DNAJC1: variants seen among roughly 807,000 people sequenced by gnomAD.
The protein encoded by DNAJC1 is DnaJ heat shock protein family (Hsp40) member C1, also known as dnaJ homolog subfamily C member 1.
In DNAJC1, 58 loss-of-function variants were observed where a neutral mutation model predicts 76.6. The observed-to-expected ratio is 0.76, with a 90% CI of 0.61 to 0.94. The LOEUF is 0.94. Ranked by LOEUF, DNAJC1 falls within the 40% of genes least tolerant of loss-of-function variation. The pLI, the probability that DNAJC1 is intolerant of heterozygous loss-of-function variation, is 0.00. For synonymous variants in DNAJC1, 258 were observed against 267.9 expected (o/e 0.96, Z 0.36); for missense variants, 689 against 677.3 (o/e 1.02, Z -0.19).
At chr10:21,912,156 TTC>T (rs1235576961) in intron 6 of DNAJC1, among the ~76,000 whole-genome samples, 1 of 152,126 alleles carries the variant, frequency 6.6e-6, no homozygotes, top group East Asian at 1.9e-4. Flanking sequence ...GCGAAATTTA[TTC>T]TTTTTTAGTT....
chr10:21,975,582 G>A (rs1259247772), intron 1 of DNAJC1, among the ~76,000 whole-genome samples: 2 of 152,090 alleles, frequency 1.3e-5, no homozygotes, highest in Non-Finnish European at 2.9e-5. Context: ...CACTAGAGTG[G>A]CAAATTGAAC....
intron 8 of DNAJC1, among the ~76,000 whole-genome samples, chr10:21,820,026 T>C (rs1835133948): frequency 6.6e-6 from 1 of 152,252 alleles, no homozygotes; most frequent in Non-Finnish European, 1.5e-5. Flanking sequence ...CATAAAGTCA[T>C]GCACAATTTT....
chr10:21,844,648 A>G (rs992664644), intron 8 of DNAJC1, among the ~76,000 whole-genome samples: 5 of 152,176 alleles, frequency 3.3e-5, no homozygotes, highest in African/African-American at 1.2e-4. Flanking sequence ...TAGTTTACTA[A>G]TACATCCACA....
intron 1 of DNAJC1, among the ~76,000 whole-genome samples, chr10:21,998,389 C>CAAAAAAAAAAAAAAAAAAAAA (rs60371730): frequency 1.0e-5 from 1 of 95,852 alleles, no homozygotes. Context: ...GACTCCATCT[C>CAAAAAAAAAAAAAAAAAAAAA]AAAAAAAAAA....
intron 8 of DNAJC1, among the ~76,000 whole-genome samples, chr10:21,816,437 G>A (rs1008688326): frequency 6.6e-6 from 1 of 151,230 alleles, no homozygotes; most frequent in African/African-American, 2.4e-5. Flanking sequence ...GCTGGGTGCA[G>A]TGGCTCATGC....
At chr10:21,851,049 A>T (rs117564922) in intron 8 of DNAJC1, among the ~76,000 whole-genome samples, 1,946 of 152,316 alleles carry the variant, frequency 0.013, 19 homozygotes, top group Non-Finnish European at 0.02. Context: ...AAGAAAAACC[A>T]TAAAATTCAT....
chr10:21,864,091 C>G (rs770904680), intron 8 of DNAJC1, among the ~76,000 whole-genome samples: 1 of 152,064 alleles, frequency 6.6e-6, no homozygotes, highest in Non-Finnish European at 1.5e-5. Context: ...CCTGTAGTCC[C>G]AGCTACTCAA....
In DNAJC1 at chr10:21,806,030, G is replaced by A. The variant is rs367855574; in HGVS notation, c.1048C>T (p.Pro350Ser). Reference protein sequence around the residue: ...RSMVKFPGGTPGRWEKIAHEL... With the variant: ...RSMVKFPGGTSGRWEKIAHEL... ...TGGGCAATCTTTTCCCATCGACCTG[G>A]AGTCCCTCCTGGGAACTTAACCATA... Residue 350 changes from proline to serine, a missense_variant, in exon 9 of 12, where the codon CCA (proline) becomes TCA (serine). Transcript: ENST00000376980. 4.3e-5 allele frequency: 70 copies of A among 1,611,758 alleles called. No individual in the cohort carries two copies. The highest frequency in any genetic ancestry group is 5.4e-5 in the Non-Finnish European group (64 of 1,179,720).
At chr10:21,781,255 T>G (rs953478510) in intron 9 of DNAJC1, among the ~76,000 whole-genome samples, 2 of 152,104 alleles carry the variant, frequency 1.3e-5, no homozygotes, top group South Asian at 4.1e-4. Context: ...CTAATAGACA[T>G]CAACAGAACT....
intron 7 of DNAJC1, among the ~76,000 whole-genome samples, chr10:21,894,107 T>C (rs946337623): frequency 7.9e-5 from 12 of 152,184 alleles, no homozygotes; most frequent in African/African-American, 2.9e-4. Flanking sequence ...ATGAAACAGA[T>C]AAATGAAACA....
At chr10:21,912,724 C>T (rs887058067) in intron 6 of DNAJC1, among the ~76,000 whole-genome samples, 4 of 152,130 alleles carry the variant, frequency 2.6e-5, no homozygotes, top group African/African-American at 9.7e-5. Flanking sequence ...GGCGACTCAG[C>T]TTGAAACAAA....
At chr10:21,850,548 T>TA (rs1835736214) in intron 8 of DNAJC1, among the ~76,000 whole-genome samples, 1 of 151,354 alleles carries the variant, frequency 6.6e-6, no homozygotes, top group Non-Finnish European at 1.5e-5. Flanking sequence ...TTTTTTTTTT[T>TA]ACTTAGTGCT....
chr10:21,936,261 T>C (rs1016173936), intron 1 of DNAJC1, among the ~76,000 whole-genome samples: 1 of 152,200 alleles, frequency 6.6e-6, no homozygotes, highest in Non-Finnish European at 1.5e-5. Flanking sequence ...ACAGTGAATA[T>C]GTTGTACCTT....
At chr10:21,975,878 T>C (rs1171259360) in intron 1 of DNAJC1, among the ~76,000 whole-genome samples, 1 of 152,174 alleles carries the variant, frequency 6.6e-6, no homozygotes, top group East Asian at 1.9e-4. Context: ...AACTATGAAT[T>C]GATTACTATT....
rs556540169 is a variant in DNAJC1, at chr10:21,923,058, A to G, written c.372-2095T>C. Among the ~76,000 whole-genome samples the G allele has an allele frequency of 1.2e-4, 19 of 152,068 alleles. No individual in the cohort carries two copies. In the South Asian group the frequency reaches 3.9e-3, roughly 31 times the overall value. On this transcript the variant is annotated intron_variant, in intron 3 of 11. Transcript: ENST00000376980. Reference sequence around the variant, plus strand: ...TGCTATGTGTCTGTTAATAGCTACTATTTTCTACCCTACGTACAAATTGTA... The same window carrying G: ...TGCTATGTGTCTGTTAATAGCTACTGTTTTCTACCCTACGTACAAATTGTA...
intron 9 of DNAJC1, among the ~76,000 whole-genome samples, chr10:21,776,120 A>T (rs1838977925): frequency 6.6e-6 from 1 of 152,180 alleles, no homozygotes; most frequent in South Asian, 2.1e-4. Context: ...CCTCTACTAA[A>T]AACACTGTAG....
intron 7 of DNAJC1, among the ~76,000 whole-genome samples, chr10:21,899,345 T>C (rs1282002370): frequency 6.6e-6 from 1 of 152,156 alleles, no homozygotes; most frequent in East Asian, 1.9e-4. Context: ...GCAGCATCAT[T>C]CTGCAGGCCC....
chr10:21,841,151 T>C lies in DNAJC1; in HGVS notation c.979-35052A>G, dbSNP rs554039734. Among the ~76,000 whole-genome samples the C allele has an allele frequency of 2.6e-4, 39 of 152,296 alleles. No homozygotes were observed. In the South Asian group the frequency reaches 7.9e-3, roughly 31 times the overall value. On this transcript the variant is annotated intron_variant, in intron 8 of 11. Transcript: ENST00000376980. ...GTTAGACCTAAAACCATAAAAACCC[T>C]AGAAGAAAACCTAGGCAATACCATT...
At chr10:21,900,138 T>C (rs1364160324) in intron 7 of DNAJC1, among the ~76,000 whole-genome samples, 1 of 151,716 alleles carries the variant, frequency 6.6e-6, no homozygotes, top group African/African-American at 2.4e-5. Context: ...AGGTCAGGAG[T>C]TCGAGACCAG....
Sources: gnomAD v4.1 joint callset for allele counts (sites outside exome capture counted in the v4.1 genomes callset) on GRCh38, gnomAD v4.1.1 for gene constraint, MANE v1.5 for transcripts, NCBI Gene and HGNC (gene_info 2026-07-23, HGNC 2026-07-21) for gene names.